The following CLPTM1 variants were observed in gnomAD, a reference collection of about 807,000 sequenced individuals.
CLPTM1 encodes the protein CLPTM1 regulator of GABA type A receptor forward trafficking.
CLPTM1 carries 21 observed loss-of-function variants against 77.3 expected under a neutral mutation model. That is an observed-to-expected ratio of 0.27 (90% CI 0.19 to 0.39). The LOEUF is 0.39. Among genes scored for constraint, CLPTM1 ranks in the 10% least tolerant of loss-of-function variants. CLPTM1 has a pLI of 1.00. For synonymous variants in CLPTM1, 373 were observed against 381.0 expected, an observed-to-expected ratio of 0.98 and a Z score of 0.24; for missense variants, 642 against 921.2, an observed-to-expected ratio of 0.70 and a Z score of 3.92.
intron 2 of CLPTM1, among the ~76,000 whole-genome samples, chr19:44,964,208 C>A (rs1019151228): frequency 1.1e-4 from 16 of 147,866 alleles, no homozygotes; most frequent in African/African-American, 3.5e-4. Context: ...AAGGTTGAGA[C>A]TTTAACATAT....
At chr19:44,980,885 TG>T (rs1970885342) in intron 5 of CLPTM1, among the ~76,000 whole-genome samples, 1 of 152,026 alleles carries the variant, frequency 6.6e-6, no homozygotes, top group Non-Finnish European at 1.5e-5. Context: ...TTGCCCAGGC[TG>T]GAGTGCAGTG....
Position 44,991,208 on chromosome 19 carries a change from G to A in CLPTM1, c.1420-30G>A, listed in dbSNP as rs771926016. 6.2e-7 allele frequency: 1 copy of A among 1,612,462 alleles called. No homozygotes were observed. Among genetic ancestry groups the A allele is most frequent in the South Asian group, 1.1e-5 (1 of 91,052 alleles). ...GGCTGCCAGGCAGGGCTGAGGAGCT[G>A]GCTGACAGCCCCACCCTGTGGCCCC... On this transcript the variant is annotated intron_variant, in intron 11 of 13. Coordinates refer to ENST00000337392, the MANE Select transcript of CLPTM1 (RefSeq NM_001294.4). The surrounding 1 kb of genome is among the most constrained non-coding windows in gnomAD (Gnocchi z 5.4).
chr19:44,959,777 C>T (rs1395240205), intron 1 of CLPTM1, among the ~76,000 whole-genome samples: 5 of 152,210 alleles, frequency 3.3e-5, no homozygotes, highest in African/African-American at 1.2e-4. Context: ...CTTTTACTTT[C>T]CCCCCTAGCA....
chr19:44,962,465 G>A (rs1233313774), intron 2 of CLPTM1, among the ~76,000 whole-genome samples: 3 of 152,256 alleles, frequency 2.0e-5, no homozygotes, highest in South Asian at 4.1e-4. Flanking sequence ...GTGGGCAGGG[G>A]CAGTTTCTTC....
intron 2 of CLPTM1, among the ~76,000 whole-genome samples, chr19:44,967,132 C>T (rs564360001): frequency 1.3e-5 from 2 of 152,230 alleles, no homozygotes; most frequent in African/African-American, 2.4e-5. Context: ...TGAGCCACCG[C>T]GCCTATCCTG....
Position 44,990,784 on chromosome 19 carries a change from GC to G in CLPTM1, c.1324-65del. On this transcript the variant is annotated intron_variant, in intron 10 of 13. Coordinates refer to ENST00000337392, the MANE Select transcript of CLPTM1 (RefSeq NM_001294.4). The surrounding 1 kb of genome is among the most constrained non-coding windows in gnomAD (Gnocchi z 4.8). ...CTGGGAACGGTGGGGAAGGGCAGGG[GC>G]TGGTTCTGGCTTGTGGGGTGGGAGC... 2.1e-6 allele frequency: 3 copies of G among 1,421,622 alleles called. No homozygotes were observed. The highest frequency in any genetic ancestry group is 3.0e-6 in the Non-Finnish European group (3 of 1,013,130). The allele number at this position is 1,421,622 out of a possible 1,614,324, so 88.1% of individuals were successfully genotyped here.
chr19:44,957,908 C>T (rs1970487830), intron 1 of CLPTM1, among the ~76,000 whole-genome samples: 1 of 152,176 alleles, frequency 6.6e-6, no homozygotes. Context: ...AGGTGCTGCC[C>T]TCTTGAAGGC....
chr19:44,986,898 G>T (rs1194323579), intron 7 of CLPTM1: 4 of 533,232 alleles, frequency 7.5e-6, no homozygotes, highest in African/African-American at 3.8e-5. Context: ...ACAATTTCTG[G>T]CTTATTTTAT....
chr19:44,974,926 T>A (rs1568385324), intron 4 of CLPTM1, among the ~76,000 whole-genome samples: 2 of 152,236 alleles, frequency 1.3e-5, no homozygotes. Flanking sequence ...GGCAGCCCCG[T>A]TTCAAAATAA....
chr19:44,978,893 G>T (rs1260226256), intron 5 of CLPTM1, among the ~76,000 whole-genome samples: 2 of 152,006 alleles, frequency 1.3e-5, no homozygotes, highest in Non-Finnish European at 2.9e-5. Context: ...ATGAGTTTTG[G>T]CCAGGACAAA....
chr19:44,968,657 G>T (rs954867725), intron 2 of CLPTM1, among the ~76,000 whole-genome samples: 1 of 152,160 alleles, frequency 6.6e-6, no homozygotes, highest in Non-Finnish European at 1.5e-5. Flanking sequence ...CAGGGGACTG[G>T]GGATCTGGAA....
At chr19:44,956,435 G>C (rs1269210502) in intron 1 of CLPTM1, among the ~76,000 whole-genome samples, 1 of 152,194 alleles carries the variant, frequency 6.6e-6, no homozygotes, top group Non-Finnish European at 1.5e-5. Flanking sequence ...TGATTAGGTT[G>C]GTGACAAAAG....
intron 4 of CLPTM1, among the ~76,000 whole-genome samples, chr19:44,974,960 AAGTGCAGGGTACTAAGCT>A (rs371001958): frequency 1.5e-4 from 23 of 152,338 alleles, no homozygotes; most frequent in African/African-American, 4.6e-4. Context: ...TGATTGAGCT[AAGTGCAGGGTACTAAGCT>A]AGGCTGACTC....
At chr19:44,967,762 C>T (rs1226748038) in intron 2 of CLPTM1, among the ~76,000 whole-genome samples, 1 of 152,032 alleles carries the variant, frequency 6.6e-6, no homozygotes, top group Non-Finnish European at 1.5e-5. Context: ...TCACACAGGA[C>T]ACTGAGAAAC....
chr19:44,961,781 C>T (rs938305904), intron 1 of CLPTM1, among the ~76,000 whole-genome samples, 182 bp from the exon 2 acceptor site: 2 of 152,186 alleles, frequency 1.3e-5, no homozygotes, highest in African/African-American at 4.8e-5. Context: ...AGGTGCTCTG[C>T]GAGTGTTTTC....
chr19:44,987,399 A>C lies in CLPTM1; in HGVS notation c.1014A>C (p.Ser338=). ...NFLGDELYEQ[S]DEEQDSVKVA... ...TGGGTGATGAGTTGTACGAGCAGTC[A>C]GATGAGGAGCAGGACTCGGTGAAGG... is the stretch of plus-strand genomic sequence containing the variant. The change falls in exon 8 of 14, where the codon TCA becomes TCC. Residue 338 remains serine, a synonymous_variant. Coordinates refer to ENST00000337392, the MANE Select transcript of CLPTM1 (RefSeq NM_001294.4). The C allele has an allele frequency of 6.2e-7, 1 of 1,613,916 alleles. No individual in the cohort carries two copies. Among genetic ancestry groups the C allele is most frequent in the Non-Finnish European group, 8.5e-7 (1 of 1,179,892 alleles).
At chr19:44,980,167 A>G (rs1001056025) in intron 5 of CLPTM1, among the ~76,000 whole-genome samples, 4 of 152,112 alleles carry the variant, frequency 2.6e-5, no homozygotes, top group Non-Finnish European at 5.9e-5. Flanking sequence ...AAGGACTTGG[A>G]GTGAGCCACC....
At chr19:44,967,092 C>G (rs1036043300) in intron 2 of CLPTM1, among the ~76,000 whole-genome samples, 3 of 152,130 alleles carry the variant, frequency 2.0e-5, no homozygotes, top group Non-Finnish European at 2.9e-5. Context: ...CCACGCACCT[C>G]GGGCTCCCAA....
chr19:44,975,386 A>G (rs1018901755), intron 4 of CLPTM1, among the ~76,000 whole-genome samples: 1 of 152,224 alleles, frequency 6.6e-6, no homozygotes, highest in Non-Finnish European at 1.5e-5. Flanking sequence ...GCAAGTATTG[A>G]ACAAGTAAAA....
Sources: gnomAD v4.1 joint callset for allele counts (sites outside exome capture counted in the v4.1 genomes callset) on GRCh38, gnomAD v4.1.1 for gene constraint, Gnocchi (gnomAD v3.1) non-coding constraint, MANE v1.5 for transcripts, NCBI Gene and HGNC (gene_info 2026-07-23, HGNC 2026-07-21) for gene names.